Variants in RNF180 observed in about 807,000 individuals in gnomAD.
The protein encoded by RNF180 is E3 ubiquitin-protein ligase RNF180.
RNF180 carries 38 observed loss-of-function variants against 59.2 expected under a neutral mutation model. That is an observed-to-expected ratio of 0.64 (90% CI 0.50 to 0.84). The LOEUF is 0.84. RNF180 is among the 40% of genes least tolerant of loss of function. The probability of loss-of-function intolerance (pLI) is 0.00; values close to 1 mark genes in which losing one functional copy is unlikely to be tolerated. For missense variants in RNF180, 705 were observed against 700.9 expected, an observed-to-expected ratio of 1.01 and a Z score of -0.07; for synonymous variants, 262 against 240.3, an observed-to-expected ratio of 1.09 and a Z score of -0.84.
At position 64,214,531 on chromosome 5, in the gene RNF180, A is replaced by G. The variant is rs746254702; in HGVS notation, c.1191+14A>G. 3.1e-6 allele frequency: 5 copies of G among 1,601,004 alleles called. No homozygotes were observed. Among genetic ancestry groups the G allele is most frequent in the South Asian group, 1.1e-5 (1 of 90,034 alleles). ...CTACAGAAGCAGGTAATATTTTTCAAAAGAGTTTACTAAAAATCTGTATTA... is the reference window on the plus strand; with the variant it reads ...CTACAGAAGCAGGTAATATTTTTCAGAAGAGTTTACTAAAAATCTGTATTA... On this transcript the variant is annotated intron_variant, in intron 4 of 7. Transcript: ENST00000389100.
intron 5 of RNF180, among the ~76,000 whole-genome samples, chr5:64,269,864 C>T (rs565078632): frequency 3.3e-5 from 5 of 152,104 alleles, no homozygotes; most frequent in Middle Eastern, 3.4e-3. Flanking sequence ...AACTTTAGTT[C>T]GGAACTTAAA....
intron 1 of RNF180, among the ~76,000 whole-genome samples, chr5:64,181,811 A>G (rs1236743619): frequency 6.6e-6 from 1 of 152,170 alleles, no homozygotes; most frequent in Non-Finnish European, 1.5e-5. Context: ...TAAAACATTA[A>G]TTTCAGTAAT....
intron 5 of RNF180, among the ~76,000 whole-genome samples, chr5:64,262,280 T>G (rs1744388790): frequency 6.6e-6 from 1 of 152,196 alleles, no homozygotes. Flanking sequence ...CCCTTTGTTA[T>G]ATACATAAAT....
At chr5:64,259,254 G>T (rs1168604255) in intron 5 of RNF180, among the ~76,000 whole-genome samples, 2 of 152,156 alleles carry the variant, frequency 1.3e-5, no homozygotes, top group Non-Finnish European at 2.9e-5. Flanking sequence ...GTCTGAAGAG[G>T]CTGAGAATCC....
intron 7 of RNF180, among the ~76,000 whole-genome samples, chr5:64,330,862 C>T (rs1032534394): frequency 1.3e-5 from 2 of 152,228 alleles, no homozygotes; most frequent in Admixed American, 1.3e-4. Flanking sequence ...AGGGTGGGAG[C>T]CCTGCCTACC....
At chr5:64,252,081 C>T (rs940539825) in intron 5 of RNF180, among the ~76,000 whole-genome samples, 2 of 152,084 alleles carry the variant, frequency 1.3e-5, no homozygotes, top group African/African-American at 4.8e-5. Flanking sequence ...TCCCAAACAA[C>T]CAAAACAATC....
chr5:64,173,654 TC>T (rs1750066724), intron 1 of RNF180, among the ~76,000 whole-genome samples: 1 of 151,276 alleles, frequency 6.6e-6, no homozygotes, highest in South Asian at 2.1e-4. Flanking sequence ...TTTCCCTCTC[TC>T]CCCTTTTCTA....
chr5:64,208,230 T>C (rs1332907385), intron 2 of RNF180, among the ~76,000 whole-genome samples: 1 of 152,094 alleles, frequency 6.6e-6, no homozygotes, highest in Non-Finnish European at 1.5e-5. Context: ...TCAACATTTT[T>C]CTGACATTAT....
intron 5 of RNF180, among the ~76,000 whole-genome samples, chr5:64,303,394 T>G (rs1743262747): frequency 6.6e-6 from 1 of 151,638 alleles, no homozygotes; most frequent in African/African-American, 2.4e-5. Context: ...ATGTGGAAAG[T>G]CAGGATATCC....
At chr5:64,271,594 C>G (rs905519267) in intron 5 of RNF180, among the ~76,000 whole-genome samples, 1 of 151,922 alleles carries the variant, frequency 6.6e-6, no homozygotes, top group Non-Finnish European at 1.5e-5. Context: ...ACAAAATTGC[C>G]TAACGACACA....
At chr5:64,181,428 T>G (rs1750577347) in intron 1 of RNF180, among the ~76,000 whole-genome samples, 1 of 152,190 alleles carries the variant, frequency 6.6e-6, no homozygotes. Context: ...ACCCTGTTGA[T>G]TATGTGTGGT....
intron 5 of RNF180, among the ~76,000 whole-genome samples, chr5:64,270,689 A>C (rs1230184699): frequency 2.6e-5 from 4 of 152,154 alleles, no homozygotes; most frequent in Non-Finnish European, 5.9e-5. Context: ...TTTCTGAAGC[A>C]GTATTTTTTA....
chr5:64,252,698 C>T (rs1743661888), intron 5 of RNF180, among the ~76,000 whole-genome samples: 1 of 152,040 alleles, frequency 6.6e-6, no homozygotes, highest in African/African-American at 2.4e-5. Context: ...GCATGGAAAA[C>T]TAAACTTCCT....
At chr5:64,239,022 A>G (rs983266714) in intron 5 of RNF180, among the ~76,000 whole-genome samples, 9 of 152,158 alleles carry the variant, frequency 5.9e-5, no homozygotes, top group African/African-American at 1.9e-4. Flanking sequence ...TTTTATAATG[A>G]TGATTCATGC....
chr5:64,253,508 T>G (rs1158612873), intron 5 of RNF180, among the ~76,000 whole-genome samples: 2 of 152,294 alleles, frequency 1.3e-5, no homozygotes, highest in East Asian at 3.9e-4. Flanking sequence ...TGATCCCCTG[T>G]AGTTTAATAT....
chr5:64,171,348 G>A (rs1001838500), intron 1 of RNF180, among the ~76,000 whole-genome samples: 9 of 152,280 alleles, frequency 5.9e-5, no homozygotes, highest in East Asian at 3.9e-4. Context: ...AGTATATACC[G>A]CAGGTGTGAA....
At chr5:64,240,675 A>G (rs761783259) in intron 5 of RNF180, among the ~76,000 whole-genome samples, 94 of 152,260 alleles carry the variant, frequency 6.2e-4, no homozygotes, top group Admixed American at 1.4e-3. Flanking sequence ...TCACTCTCCT[A>G]TACCTATAAT....
At chr5:64,282,648 A>AT (rs1200694485) in intron 5 of RNF180, among the ~76,000 whole-genome samples, 1 of 151,948 alleles carries the variant, frequency 6.6e-6, no homozygotes, top group East Asian at 1.9e-4. Context: ...TTGAGATCTA[A>AT]TTTTTTTATG....
chr5:64,279,082 C>T lies in RNF180; in HGVS notation c.1228-46104C>T, dbSNP rs546031436. Among the ~76,000 whole-genome samples, 15 of 152,230 alleles carry T rather than the reference C, an allele frequency of 9.9e-5. No individual in the cohort carries two copies. In the East Asian group the frequency reaches 2.1e-3, roughly 22 times the overall value. On this transcript the variant is annotated intron_variant, in intron 5 of 7. Coordinates refer to ENST00000389100, the MANE Select transcript of RNF180 (RefSeq NM_001113561.2). ...TGTATACTGTTAGAAATGAAAAGAACCAAGGCTGGGCCCTATAACATACCA... is the reference window on the plus strand; with the variant it reads ...TGTATACTGTTAGAAATGAAAAGAATCAAGGCTGGGCCCTATAACATACCA...
Sources: allele counts gnomAD v4.1 joint callset (sites outside exome capture counted in the v4.1 genomes callset), GRCh38; gene constraint gnomAD v4.1.1; transcripts MANE v1.5; gene names NCBI Gene and HGNC (gene_info 2026-07-23, HGNC 2026-07-21).